The following CTBP2 variants were observed in gnomAD, a reference collection of about 807,000 sequenced individuals.
CTBP2 encodes the protein C-terminal binding protein 2, also known as C-terminal-binding protein 2.
In CTBP2, 30 loss-of-function variants were observed where a neutral mutation model predicts 80.3. The ratio of observed to expected loss-of-function variants is 0.37; its 90% CI spans 0.28 to 0.51. The LOEUF (loss-of-function observed/expected upper bound fraction) is 0.51, where lower values mean the gene tolerates loss of function less well. Among genes scored for constraint, CTBP2 ranks in the 20% least tolerant of loss-of-function variants. The pLI, the probability that CTBP2 is intolerant of heterozygous loss-of-function variation, is 0.93. For missense variants in CTBP2, 1,212 were observed against 1,375.3 expected (o/e 0.88, Z 1.88); for synonymous variants, 594 against 587.4 (o/e 1.01, Z -0.16).
chr10:125,029,297 A>G (rs182770757), upstream of CTBP2, among the ~76,000 whole-genome samples: 336 of 146,544 alleles, frequency 2.3e-3, 2 homozygotes, highest in African/African-American at 7.7e-3. Flanking sequence ...GCTGGAGTGC[A>G]ATGGCGCGAT....
At chr10:125,046,422 C>T (rs1236920431) in intron 2 of CTBP2, among the ~76,000 whole-genome samples, 2 of 151,686 alleles carry the variant, frequency 1.3e-5, no homozygotes, top group African/African-American at 4.9e-5. Context: ...CCTGTAATCC[C>T]AGCTACTGGG....
At chr10:125,037,394 T>C (rs2134949472) in intron 3 of CTBP2, among the ~76,000 whole-genome samples, 1 of 152,336 alleles carries the variant, frequency 6.6e-6, no homozygotes, top group Middle Eastern at 3.4e-3. Flanking sequence ...GCTAGTAACC[T>C]TGGAAAGCTG....
At chr10:125,153,742 A>G (rs1404209143) in intron 1 of CTBP2, among the ~76,000 whole-genome samples, 1 of 152,264 alleles carries the variant, frequency 6.6e-6, no homozygotes, top group African/African-American at 2.4e-5. Context: ...GAAAAGCCCC[A>G]TTAGGCCAGA....
chr10:125,092,629 G>A (rs1477335799), intron 2 of CTBP2, among the ~76,000 whole-genome samples: 4 of 152,160 alleles, frequency 2.6e-5, no homozygotes, highest in African/African-American at 9.7e-5. Flanking sequence ...CATCCTACAG[G>A]GTTAGTTCCA....
chr10:125,148,154 C>T (rs1859142335), intron 1 of CTBP2, among the ~76,000 whole-genome samples: 1 of 152,140 alleles, frequency 6.6e-6, no homozygotes, highest in Non-Finnish European at 1.5e-5. Flanking sequence ...CTCCTTGGGC[C>T]GAGCCTCAGT....
intron 2 of CTBP2, among the ~76,000 whole-genome samples, chr10:125,050,829 GGGA>G (rs1380426460): frequency 1.3e-5 from 2 of 152,172 alleles, no homozygotes; most frequent in Non-Finnish European, 1.5e-5. Context: ...GAGGTTGCTG[GGGA>G]GGAGTAGACA....
At chr10:125,143,567 T>G (rs935808402) in intron 1 of CTBP2, among the ~76,000 whole-genome samples, 4 of 152,254 alleles carry the variant, frequency 2.6e-5, no homozygotes, top group African/African-American at 9.6e-5. Context: ...TATACCTATT[T>G]TTATTTGATT....
At chr10:125,088,747 T>C (rs979447143) in intron 2 of CTBP2, among the ~76,000 whole-genome samples, 4 of 152,160 alleles carry the variant, frequency 2.6e-5, no homozygotes, top group African/African-American at 7.2e-5. Context: ...TTAACGGGCA[T>C]ACAAAAAGAG....
At chr10:125,062,319 G>A (rs918224544) in intron 2 of CTBP2, among the ~76,000 whole-genome samples, 1 of 152,206 alleles carries the variant, frequency 6.6e-6, no homozygotes, top group African/African-American at 2.4e-5. Context: ...ATTTGTTGAT[G>A]TAATAGAAGC....
chr10:125,136,173 G>C (rs1437569060), intron 1 of CTBP2, among the ~76,000 whole-genome samples: 3 of 152,218 alleles, frequency 2.0e-5, no homozygotes, highest in Admixed American at 2.0e-4. Flanking sequence ...GGATGAGAAC[G>C]AAGGGGCTGG....
chr10:125,053,164 C>A (rs1322444267), intron 2 of CTBP2, among the ~76,000 whole-genome samples: 2 of 152,216 alleles, frequency 1.3e-5, no homozygotes, highest in Non-Finnish European at 2.9e-5. Flanking sequence ...CCACCGAAGC[C>A]AAGGCTGCCC....
intron 2 of CTBP2, among the ~76,000 whole-genome samples, chr10:125,062,975 CAG>C (rs1225359937): frequency 2.0e-5 from 3 of 152,262 alleles, no homozygotes; most frequent in African/African-American, 7.2e-5. Flanking sequence ...CAACTATGCT[CAG>C]ATGATCTTTC....
chr10:125,107,376 C>T (rs1851619559), intron 2 of CTBP2, among the ~76,000 whole-genome samples: 1 of 152,202 alleles, frequency 6.6e-6, no homozygotes. Flanking sequence ...AGGCCAGGAG[C>T]TCAGGAGGCC....
intron 1 of CTBP2, among the ~76,000 whole-genome samples, chr10:125,015,553 G>A (rs1956387439): frequency 1.3e-5 from 2 of 152,208 alleles, no homozygotes. Flanking sequence ...CTTGCAGTTG[G>A]GAGGGCGTCC....
chr10:125,025,752 G>C (rs944599044), intron 1 of CTBP2, among the ~76,000 whole-genome samples: 2 of 152,178 alleles, frequency 1.3e-5, no homozygotes, highest in African/African-American at 4.8e-5. Flanking sequence ...TGAGCTCAAG[G>C]CTGCAGTCTG....
intron 3 of CTBP2, among the ~76,000 whole-genome samples, chr10:125,038,463 TCA>T (rs1165454945): frequency 6.6e-6 from 1 of 152,184 alleles, no homozygotes; most frequent in African/African-American, 2.4e-5. Context: ...AATCAACACT[TCA>T]GAGTTTTGTC....
At chr10:125,099,500 T>C (rs895085168) in intron 2 of CTBP2, among the ~76,000 whole-genome samples, 5 of 152,166 alleles carry the variant, frequency 3.3e-5, no homozygotes, top group African/African-American at 9.7e-5. Flanking sequence ...CACTGAAAGA[T>C]ACCCCCATCC....
intron 1 of CTBP2, among the ~76,000 whole-genome samples, chr10:125,018,489 C>A (rs1956715829): frequency 3.5e-5 from 5 of 144,474 alleles, no homozygotes; most frequent in Admixed American, 3.4e-4. Flanking sequence ...GACTCTGTCT[C>A]AAAAAAACAA....
At chr10:124,997,652 A>C (rs1589949418) in intron 4 of CTBP2, 1 of 434,434 alleles carries the variant, frequency 2.3e-6, no homozygotes, top group Admixed American at 4.0e-5. Context: ...CCTGCCCTTC[A>C]CCCCTGCCCA....
Sources: allele counts gnomAD v4.1 joint callset (sites outside exome capture counted in the v4.1 genomes callset), GRCh38; gene constraint gnomAD v4.1.1; transcripts MANE v1.5; gene names NCBI Gene and HGNC (gene_info 2026-07-23, HGNC 2026-07-21).